Variants in IL31RA observed in about 807,000 individuals in gnomAD.
The protein encoded by IL31RA is interleukin-31 receptor subunit alpha.
A neutral mutation model predicts 83.7 loss-of-function variants in IL31RA; 66 were observed. The observed-to-expected ratio is 0.79, with a 90% CI of 0.65 to 0.97. IL31RA has a LOEUF of 0.97. Among genes scored for constraint, IL31RA ranks in the 50% least tolerant of loss-of-function variants. The pLI is 0.00. For missense variants in IL31RA, 798 were observed against 919.4 expected (o/e 0.87, Z 1.71); for synonymous variants, 325 against 329.0 (o/e 0.99, Z 0.13).
In IL31RA at chr5:55,916,725, A is replaced by G. The variant is rs978671804; in HGVS notation, c.1900A>G (p.Lys634Glu). 1 of 1,614,220 alleles carries G rather than the reference A, an allele frequency of 6.2e-7. No homozygotes were observed. ...ILKPCSTPSD[K>E]LVIDKLVVNF... is the part of the protein sequence containing the mutation. ...AAAACCATGTTCCACCCCCAGTGACAAGTTGGTGATTGACAAGTTGGTGGT... is the reference window on the plus strand; with the variant it reads ...AAAACCATGTTCCACCCCCAGTGACGAGTTGGTGATTGACAAGTTGGTGGT... The change falls in exon 15 of 15, where the codon AAG becomes GAG. Residue 634 changes from lysine (K) to glutamate (E), a missense_variant. Physicochemically the swap from Lys to Glu is moderately conservative, Grantham distance 56. Coordinates refer to ENST00000652347, the MANE Select transcript of IL31RA (RefSeq NM_139017.7).
chr5:55,895,205 A>T (rs558036620), intron 6 of IL31RA, among the ~76,000 whole-genome samples: 2 of 152,324 alleles, frequency 1.3e-5, no homozygotes, highest in East Asian at 3.9e-4. Context: ...TGCAGCTTTG[A>T]CTAGGGACAT....
chr5:55,876,541 G>A (rs1414280744), intron 4 of IL31RA, among the ~76,000 whole-genome samples: 3 of 152,184 alleles, frequency 2.0e-5, no homozygotes, highest in Non-Finnish European at 2.9e-5. Context: ...AATTATTACA[G>A]TTAGTGGTAT....
chr5:55,900,011 T>G lies in IL31RA; in HGVS notation c.948T>G (p.Thr316=), dbSNP rs1748714025. Residue 316 remains threonine, a synonymous_variant, in exon 8 of 15, where the codon ACT becomes ACG. Coordinates refer to ENST00000652347, the MANE Select transcript of IL31RA (RefSeq NM_139017.7). ...CTAACCTCACAGAAACAATGAACAC[T>G]ACTAACCAGCAGCTTGAACTGCATC... ...SNTNLTETMN[T]TNQQLELHLG... is the part of the protein sequence containing the mutation. 1 of 1,613,858 alleles carries G rather than the reference T, an allele frequency of 6.2e-7. No homozygotes were observed. The highest frequency in any genetic ancestry group is 1.3e-5 in the African/African-American group (1 of 74,944).
intron 13 of IL31RA, 90 bp from the exon 14 acceptor site, chr5:55,914,757 C>A: frequency 1.0e-6 from 1 of 967,446 alleles, no homozygotes; most frequent in Admixed American, 1.7e-5. Flanking sequence ...TTACAATTCC[C>A]TTTAGCACAG....
In IL31RA at chr5:55,906,301, G is replaced by A; in HGVS notation, c.1252+13G>A. The A allele has an allele frequency of 6.2e-7, 1 of 1,613,252 alleles. No individual in the cohort carries two copies. Among genetic ancestry groups the A allele is most frequent in the Non-Finnish European group, 8.5e-7 (1 of 1,179,658 alleles). On this transcript the variant is annotated intron_variant, in intron 9 of 14. Transcript: ENST00000652347. ...ACGATCCAGCAAGGTAGCCAGGGCG[G>A]AACTCACAGGTTCCCTCAGTGCAGG...
intron 2 of IL31RA, among the ~76,000 whole-genome samples, chr5:55,860,919 G>A (rs997345500): frequency 6.6e-6 from 1 of 152,160 alleles, no homozygotes; most frequent in African/African-American, 2.4e-5. Context: ...CTGGTTTGCA[G>A]GTGGCCTTCC....
rs1747728838 is a variant in IL31RA at position 55,887,865 on chromosome 5, A to G, written c.607-2105A>G. ...GCCACCGTACTCCAGCCTGGGTGACAGAGCAAGACTCTGTCTCAAAAAAAA... is the reference window on the plus strand; with the variant it reads ...GCCACCGTACTCCAGCCTGGGTGACGGAGCAAGACTCTGTCTCAAAAAAAA... On this transcript the variant is annotated intron_variant, in intron 5 of 14. Coordinates refer to ENST00000652347, the MANE Select transcript of IL31RA (RefSeq NM_139017.7). Among the ~76,000 whole-genome samples the G allele has an allele frequency of 2.6e-5, 4 of 151,628 alleles. No homozygotes were observed. In the South Asian group the frequency reaches 6.2e-4, roughly 24 times the overall value.
chr5:55,862,390 T>A (rs1047936109), intron 2 of IL31RA, among the ~76,000 whole-genome samples: 49 of 152,310 alleles, frequency 3.2e-4, no homozygotes, highest in African/African-American at 1.1e-3. Flanking sequence ...CATGAATGAC[T>A]TCTTTCTACT....
At chr5:55,853,594 G>T in intron 1 of IL31RA, 1 of 1,547,360 alleles carries the variant, frequency 6.5e-7, no homozygotes, top group Non-Finnish European at 8.7e-7. Context: ...TTAGAAGAGT[G>T]ATAGTTTGAT....
In IL31RA at chr5:55,890,054, A is replaced by G; in HGVS notation, c.691A>G (p.Ile231Val). The G allele has an allele frequency of 1.9e-6, 3 of 1,614,098 alleles. No individual in the cohort carries two copies. Among genetic ancestry groups the G allele is most frequent in the Non-Finnish European group, 2.5e-6 (3 of 1,179,938 alleles). ...GCTGCAGCCTTTTACAGAATATGTCATAGCTCTGCGATGTGCGGTCAAGGA... is the reference window on the plus strand; with the variant it reads ...GCTGCAGCCTTTTACAGAATATGTCGTAGCTCTGCGATGTGCGGTCAAGGA... The part of the protein sequence containing the change: ...TGLQPFTEYV[I>V]ALRCAVKESK... Residue 231 changes from isoleucine to valine, a missense_variant, in exon 6 of 15, where the codon ATA becomes GTA. Ile to Val is a conservative substitution (Grantham distance 29, BLOSUM62 3). Coordinates refer to ENST00000652347, the MANE Select transcript of IL31RA (RefSeq NM_139017.7).
intron 1 of IL31RA, among the ~76,000 whole-genome samples, chr5:55,857,020 C>G (rs1187476492): frequency 2.0e-5 from 3 of 152,140 alleles, no homozygotes; most frequent in Admixed American, 2.0e-4. Flanking sequence ...CATCTACCCA[C>G]CACAGATAAC....
intron 5 of IL31RA, among the ~76,000 whole-genome samples, chr5:55,888,344 T>C (rs1016693729): frequency 6.6e-6 from 1 of 152,106 alleles, no homozygotes; most frequent in African/African-American, 2.4e-5. Context: ...ACAGGCACCT[T>C]GATTAAAAGA....
intron 1 of IL31RA, 26 bp downstream of exon 1, chr5:55,851,659 A>G (rs752219048): frequency 1.9e-6 from 3 of 1,613,718 alleles, no homozygotes; most frequent in Admixed American, 3.3e-5. Flanking sequence ...GGGGGTTACA[A>G]ATAATTCCTA....
chr5:55,862,617 C>G (rs1426403297), intron 2 of IL31RA, among the ~76,000 whole-genome samples: 1 of 152,144 alleles, frequency 6.6e-6, no homozygotes, highest in Non-Finnish European at 1.5e-5. Flanking sequence ...CCATGTTGGC[C>G]CGGCTGGTCT....
In IL31RA at chr5:55,913,571, G is replaced by C. The variant is rs1475915072; in HGVS notation, c.1736+1G>C. The C allele has an allele frequency of 2.8e-5, 44 of 1,597,730 alleles. No individual in the cohort carries two copies. The highest frequency in any genetic ancestry group is 3.8e-5 in the Non-Finnish European group (44 of 1,164,968). On this transcript the variant is annotated splice_donor_variant, in intron 13 of 14. Transcript: ENST00000652347. LOFTEE classifies it high-confidence loss of function. The stretch of plus-strand genomic sequence containing the variant: ...TGGCATATGGTCTCAAAAAACCCAA[G>C]TGAGTCTGCAGACAACAGTGGGTGC...
Position 55,851,750 on chromosome 5 carries a change from C to T in IL31RA, c.63+117C>T, listed in dbSNP as rs1406691771. 4.8e-5 allele frequency: 77 copies of T among 1,598,200 alleles called. No individual in the cohort carries two copies. The East Asian group carries it at 4.9e-4, about 10-fold the overall frequency. On this transcript the variant is annotated intron_variant, in intron 1 of 14. Coordinates refer to ENST00000652347, the MANE Select transcript of IL31RA (RefSeq NM_139017.7). ...CTACCTAGTGTCTCAAATCCTGAGC[C>T]GTATGAGATTCCGTGGCATAATTAT...
chr5:55,877,805 G>T (rs1005145367), intron 4 of IL31RA, among the ~76,000 whole-genome samples: 6 of 152,056 alleles, frequency 3.9e-5, no homozygotes, highest in Admixed American at 3.9e-4. Flanking sequence ...CTTAGTGTGG[G>T]TCTCTTTGGG....
At chr5:55,876,060 T>C (rs1290182691) in intron 4 of IL31RA, among the ~76,000 whole-genome samples, 3 of 152,180 alleles carry the variant, frequency 2.0e-5, no homozygotes, top group African/African-American at 7.2e-5. Context: ...TCAATAGAAC[T>C]TTTCTTATTT....
intron 7 of IL31RA, among the ~76,000 whole-genome samples, chr5:55,898,393 A>G (rs1027355931): frequency 1.3e-5 from 2 of 148,768 alleles, no homozygotes; most frequent in African/African-American, 5.0e-5. Context: ...AGAATGTACT[A>G]AAATGCTCTA....
Sources: allele counts gnomAD v4.1 joint callset (sites outside exome capture counted in the v4.1 genomes callset), GRCh38; gene constraint gnomAD v4.1.1; transcripts MANE v1.5; gene names NCBI Gene and HGNC (gene_info 2026-07-23, HGNC 2026-07-21).